ZHX2: variants seen among roughly 807,000 people sequenced by gnomAD.
The protein encoded by ZHX2 is zinc fingers and homeoboxes 2.
Under a neutral mutation model 21.9 loss-of-function variants are expected in ZHX2, and 6 were observed. The ratio of observed to expected loss-of-function variants is 0.27; its 90% CI spans 0.15 to 0.54. ZHX2 has a LOEUF of 0.54. Ranked by LOEUF, ZHX2 falls within the 20% of genes least tolerant of loss-of-function variation. The probability of loss-of-function intolerance (pLI) is 0.95; values close to 1 mark genes in which losing one functional copy is unlikely to be tolerated. For synonymous variants in ZHX2, 434 were observed against 437.1 expected, an observed-to-expected ratio of 0.99 and a Z score of 0.09; for missense variants, 908 against 1,090.7, an observed-to-expected ratio of 0.83 and a Z score of 2.36.
chr8:122,870,410 A>T (rs1271169494), intron 2 of ZHX2, among the ~76,000 whole-genome samples: 1 of 151,940 alleles, frequency 6.6e-6, no homozygotes, highest in Non-Finnish European at 1.5e-5. Context: ...GGGGTGGATC[A>T]TCTGAGGTCA....
chr8:122,832,892 G>A (rs1410499374), intron 1 of ZHX2, among the ~76,000 whole-genome samples: 3 of 152,088 alleles, frequency 2.0e-5, no homozygotes, highest in African/African-American at 4.8e-5. Context: ...TAGTATGGGC[G>A]TTGCAGTCCC....
intron 2 of ZHX2, among the ~76,000 whole-genome samples, chr8:122,944,395 C>A (rs1425216178): frequency 6.6e-6 from 1 of 152,086 alleles, no homozygotes; most frequent in Non-Finnish European, 1.5e-5. Flanking sequence ...AAAGTTGCCT[C>A]CCCTGGAAAG....
chr8:122,814,521 A>G (rs769037305), intron 1 of ZHX2, among the ~76,000 whole-genome samples: 17 of 152,188 alleles, frequency 1.1e-4, no homozygotes, highest in Non-Finnish European at 2.5e-4. Context: ...GGAGCCTTGG[A>G]TTAGTTAGAT....
At chr8:122,860,281 A>G (rs1819131804) in intron 1 of ZHX2, among the ~76,000 whole-genome samples, 2 of 152,196 alleles carry the variant, frequency 1.3e-5, no homozygotes, top group Admixed American at 6.5e-5. Flanking sequence ...CCCTTGACAC[A>G]TGGGGATTGT....
intron 2 of ZHX2, among the ~76,000 whole-genome samples, chr8:122,869,553 G>A (rs1819381249): frequency 6.6e-6 from 1 of 152,222 alleles, no homozygotes; most frequent in South Asian, 2.1e-4. Flanking sequence ...AGATGAGAGT[G>A]CATGGCCAAC....
chr8:122,876,983 A>T lies in ZHX2; in HGVS notation c.-220+13444A>T, dbSNP rs1220472949. Among the ~76,000 whole-genome samples, 4 of 152,320 alleles carry T rather than the reference A, an allele frequency of 2.6e-5. 1 individual carries two copies. Among genetic ancestry groups the T allele is most frequent in the African/African-American group, 4.8e-5 (2 of 41,562 alleles). ...AGGCTACTCTATGGTAACCTCCATC[A>T]GTATGTTGGTGGGTTTATGTGCCAG... On this transcript the variant is annotated intron_variant, in intron 2 of 3. Transcript: ENST00000314393.
Position 122,952,654 on chromosome 8 carries a change from A to G in ZHX2, c.1144A>G (p.Thr382Ala), listed in dbSNP as rs1563602519. ...GQTSLVLTQV[T>A]SGSTTVSCSP... ...GACTAGCCTGGTGCTGACTCAGGTG[A>G]CCAGCGGGTCAACAACCGTCTCTTG... Residue 382 changes from threonine to alanine, a missense_variant, in exon 3 of 4, where the codon ACC becomes GCC. Physicochemically the swap from Thr to Ala is moderately conservative, Grantham distance 58. Transcript: ENST00000314393. The surrounding 1 kb of genome is among the most constrained non-coding windows in gnomAD (Gnocchi z 6.9). The G allele has an allele frequency of 6.2e-7, 1 of 1,614,132 alleles. No individual in the cohort carries two copies. The highest frequency in any genetic ancestry group is 8.5e-7 in the Non-Finnish European group (1 of 1,180,030).
intron 2 of ZHX2, among the ~76,000 whole-genome samples, chr8:122,924,081 G>A (rs536199091): frequency 1.6e-4 from 24 of 152,310 alleles, no homozygotes; most frequent in South Asian, 8.3e-4. Flanking sequence ...CCTGCTTTGC[G>A]TGGTGTATCA....
At chr8:122,946,026 A>G (rs1262705259) in intron 2 of ZHX2, among the ~76,000 whole-genome samples, 3 of 152,230 alleles carry the variant, frequency 2.0e-5, no homozygotes, top group African/African-American at 7.2e-5. Flanking sequence ...ACACTGGCCC[A>G]GGGCAAGAAC....
rs754162882 is a variant in ZHX2, at chr8:122,952,854, G to A, written c.1344G>A (p.Lys448=). 3.1e-6 allele frequency: 5 copies of A among 1,614,056 alleles called. No individual in the cohort carries two copies. In the African/African-American group the frequency reaches 6.7e-5, roughly 22 times the overall value. The change falls in exon 3 of 4, where the codon AAG becomes AAA. Residue 448 remains lysine, a synonymous_variant. Transcript: ENST00000314393. This position sits in a 1 kb window ranked among gnomAD's most constrained non-coding sequence, Gnocchi z 6.9. Reference sequence around the variant, plus strand: ...CAGCCAGTGACCGCAAGAAGACAAAGGAGCAGATAGCACATCTCAAGGCCA... The same window carrying A: ...CAGCCAGTGACCGCAAGAAGACAAAAGAGCAGATAGCACATCTCAAGGCCA... ...LTPASDRKKT[K]EQIAHLKASF...
intron 2 of ZHX2, among the ~76,000 whole-genome samples, chr8:122,924,845 G>C (rs1820815217): frequency 6.6e-6 from 1 of 152,182 alleles, no homozygotes. Flanking sequence ...AGGTATTTGA[G>C]GGTATCTGAG....
chr8:122,943,999 G>A (rs945365503), intron 2 of ZHX2, among the ~76,000 whole-genome samples: 1 of 152,094 alleles, frequency 6.6e-6, no homozygotes, highest in African/African-American at 2.4e-5. Context: ...CCCAGTCCTT[G>A]TCATTCCTCA....
chr8:122,887,030 C>G (rs1386494280), intron 2 of ZHX2, among the ~76,000 whole-genome samples: 1 of 149,238 alleles, frequency 6.7e-6, no homozygotes, highest in Non-Finnish European at 1.5e-5. Context: ...GCTTATGTAC[C>G]TGACACGGTG....
intron 1 of ZHX2, among the ~76,000 whole-genome samples, chr8:122,825,417 T>A (rs796648943): frequency 9.9e-5 from 15 of 152,188 alleles, no homozygotes; most frequent in African/African-American, 3.6e-4. Context: ...AGCATGTGGG[T>A]TGTTCTGGCT....
At chr8:122,823,530 T>A (rs1818199470) in intron 1 of ZHX2, among the ~76,000 whole-genome samples, 1 of 152,192 alleles carries the variant, frequency 6.6e-6, no homozygotes, top group Non-Finnish European at 1.5e-5. Context: ...TACTTTGCAT[T>A]TATGAGATTC....
At position 122,951,408 on chromosome 8, in the gene ZHX2, G is replaced by C. The variant is rs1813105538; in HGVS notation, c.-103G>C. ...CACAAGGAAAGCCAAAGCCATTTGA[G>C]GGGGAATAAAGCCAAAAGCCTTTCA... On this transcript the variant is annotated 5_prime_UTR_variant, in exon 3 of 4. Coordinates refer to ENST00000314393, the MANE Select transcript of ZHX2 (RefSeq NM_014943.5). The C allele has an allele frequency of 3.9e-6, 4 of 1,019,708 alleles. No individual in the cohort carries two copies. Among genetic ancestry groups the C allele is most frequent in the African/African-American group, 1.6e-5 (1 of 61,452 alleles). 63.2% of individuals were successfully genotyped at this position (1,019,708 alleles called of 1,614,324 possible).
intron 1 of ZHX2, among the ~76,000 whole-genome samples, chr8:122,801,500 A>G (rs1817719302): frequency 1.3e-5 from 2 of 151,542 alleles, no homozygotes; most frequent in Non-Finnish European, 2.9e-5. Flanking sequence ...TAATCTCAGC[A>G]TTTTGGGAGG....
At chr8:122,841,900 G>C (rs949694362) in intron 1 of ZHX2, among the ~76,000 whole-genome samples, 5 of 152,150 alleles carry the variant, frequency 3.3e-5, no homozygotes, top group Admixed American at 6.6e-5. Context: ...ACCTAAACTT[G>C]TACTGAGATA....
intron 2 of ZHX2, among the ~76,000 whole-genome samples, chr8:122,908,450 T>C (rs1820397125): frequency 6.6e-6 from 1 of 152,122 alleles, no homozygotes; most frequent in Non-Finnish European, 1.5e-5. Context: ...CCTCAGATGT[T>C]CCACCCACCT....
Sources: gnomAD v4.1 joint callset for allele counts (sites outside exome capture counted in the v4.1 genomes callset) on GRCh38, gnomAD v4.1.1 for gene constraint, Gnocchi (gnomAD v3.1) non-coding constraint, MANE v1.5 for transcripts, NCBI Gene and HGNC (gene_info 2026-07-23, HGNC 2026-07-21) for gene names.